SIGLEC9: variants seen among roughly 807,000 people sequenced by gnomAD.
SIGLEC9 encodes sialic acid-binding Ig-like lectin 9.
A neutral mutation model predicts 38.3 loss-of-function variants in SIGLEC9; 26 were observed. That is an observed-to-expected ratio of 0.68 (90% CI 0.50 to 0.94). SIGLEC9 has a LOEUF of 0.94. SIGLEC9 is among the 40% of genes least tolerant of loss of function. The pLI, the probability that SIGLEC9 is intolerant of heterozygous loss-of-function variation, is 0.00. For synonymous variants in SIGLEC9, 236 were observed against 248.0 expected (o/e 0.95, Z 0.45); for missense variants, 556 against 585.7 (o/e 0.95, Z 0.52).
At position 51,125,187 on chromosome 19, in the gene SIGLEC9, T is replaced by G. The variant is rs140037377; in HGVS notation, c.213T>G (p.Asp71Glu). Residue 71 changes from aspartate (D) to glutamate (E), a missense_variant, in exon 1 of 7, where the codon GAT (aspartate) becomes GAG (glutamate). Transcript: ENST00000250360. ...GGGAAGGGGCCAATACAGACCAGGA[T>G]GCTCCAGTGGCCACAAACAACCCAG... Reference protein sequence around the residue: ...WFREGANTDQDAPVATNNPAR... With the variant: ...WFREGANTDQEAPVATNNPAR... 42 of 1,613,858 alleles carry G rather than the reference T, an allele frequency of 2.6e-5. No homozygotes were observed.
At chr19:51,133,774 A>G (rs2092029196), downstream of SIGLEC9, among the ~76,000 whole-genome samples, 1 of 152,188 alleles carries the variant, frequency 6.6e-6, no homozygotes, top group South Asian at 2.1e-4. Context: ...CACTAGCCAC[A>G]TGTGGCTACT....
downstream of SIGLEC9, among the ~76,000 whole-genome samples, chr19:51,131,205 A>G (rs974888242): frequency 6.6e-6 from 1 of 152,194 alleles, no homozygotes; most frequent in Non-Finnish European, 1.5e-5. Context: ...AAATCAAAGG[A>G]CTGGAGGAAG....
intron 3 of SIGLEC9, among the ~76,000 whole-genome samples, chr19:51,126,734 G>A: frequency 6.6e-6 from 1 of 152,194 alleles, no homozygotes; most frequent in Non-Finnish European, 1.5e-5. Context: ...TCATCCTACG[G>A]CAGGATAGAA....
At chr19:51,124,806 G>A (rs576561575), upstream of SIGLEC9, 10 of 820,458 alleles carry the variant, frequency 1.2e-5, no homozygotes, top group Admixed American at 1.2e-4. Flanking sequence ...GGGCTGACCC[G>A]GGCCTGACAG....
chr19:51,129,211 T>G (rs898569016), intron 6 of SIGLEC9, among the ~76,000 whole-genome samples: 4 of 149,870 alleles, frequency 2.7e-5, no homozygotes, highest in Non-Finnish European at 4.4e-5. Flanking sequence ...CAGGCTGGAG[T>G]GCAGTGGTGC....
chr19:51,121,096 C>T (rs930198186), upstream of SIGLEC9, among the ~76,000 whole-genome samples: 1 of 152,138 alleles, frequency 6.6e-6, no homozygotes, highest in Non-Finnish European at 1.5e-5. Context: ...CCTCCTGCCT[C>T]GGCCTCCCAA....
chr19:51,126,134 A>G lies in SIGLEC9; in HGVS notation c.748+6A>G, dbSNP rs1476493985. On this transcript the variant is annotated splice_donor_region_variant and intron_variant, in intron 3 of 6. Transcript: ENST00000250360. ...CTTCCAAGGAGACGGCACAGGTAGG[A>G]TGGAGCTCCCTCCCTGGGGCTGGAG... The G allele has an allele frequency of 6.2e-7, 1 of 1,613,398 alleles. No individual in the cohort carries two copies. Among genetic ancestry groups the G allele is most frequent in the Admixed American group, 1.7e-5 (1 of 60,006 alleles).
At chr19:51,123,511 G>T (rs1036992039), upstream of SIGLEC9, among the ~76,000 whole-genome samples, 1 of 152,212 alleles carries the variant, frequency 6.6e-6, no homozygotes, top group Non-Finnish European at 1.5e-5. Context: ...CAACTTCCCA[G>T]GGAGCGACTG....
intron 3 of SIGLEC9, 39 bp downstream of exon 3, chr19:51,126,167 G>A: frequency 6.3e-7 from 1 of 1,587,604 alleles, no homozygotes; most frequent in Non-Finnish European, 8.7e-7. Flanking sequence ...GAGGAGCAGG[G>A]CCTTCAGGTC....
chr19:51,125,211 AG>A lies in SIGLEC9; in HGVS notation c.238del (p.Ala80LeufsTer25), dbSNP rs1568610407. The A allele has an allele frequency of 6.2e-7, 1 of 1,614,072 alleles. No homozygotes were observed. Among genetic ancestry groups the A allele is most frequent in the Admixed American group, 1.7e-5 (1 of 60,012 alleles). ...ATGCTCCAGTGGCCACAAACAACCCAGCTCGGGCAGTGTGGGAGGAGACTCG... is the reference window on the plus strand; with the variant it reads ...ATGCTCCAGTGGCCACAAACAACCCACTCGGGCAGTGTGGGAGGAGACTCG... ...QDAPVATNNP[A>X]RAVWEETRDR... is the part of the protein sequence containing the mutation. On this transcript the variant is annotated frameshift_variant, in exon 1 of 7. Transcript: ENST00000250360. LOFTEE classifies it high-confidence loss of function.
At position 51,128,025 on chromosome 19, in the gene SIGLEC9, C is replaced by T. The variant is rs764048873; in HGVS notation, c.1092C>T (p.Cys364=). The T allele has an allele frequency of 1.4e-5, 23 of 1,613,136 alleles. No homozygotes were observed. In the South Asian group the frequency reaches 1.5e-4, roughly 11 times the overall value. ...GATALVFLSF[C]VIFVVVRSCR... ...CAGCCCTGGTCTTCCTGTCCTTCTG[C>T]GTCATCTTCGTTGTGTAAGCATGGA... Residue 364 remains cysteine, a synonymous_variant, in exon 5 of 7, where the codon TGC becomes TGT. Coordinates refer to ENST00000250360, the MANE Select transcript of SIGLEC9 (RefSeq NM_014441.3).
At chr19:51,130,907 A>T (rs184272631), downstream of SIGLEC9, among the ~76,000 whole-genome samples, 11 of 152,034 alleles carry the variant, frequency 7.2e-5, no homozygotes, top group Admixed American at 6.6e-4. Context: ...CACACTGGGG[A>T]CCCTCCTCCT....
At chr19:51,123,168 C>G (rs56985052), upstream of SIGLEC9, among the ~76,000 whole-genome samples, 996 of 152,254 alleles carry the variant, frequency 6.5e-3, 24 homozygotes, top group African/African-American at 0.023. Context: ...GCACTGGCTT[C>G]CCCCCAACCC....
chr19:51,123,671 G>A (rs1244899149), upstream of SIGLEC9, among the ~76,000 whole-genome samples: 22 of 152,190 alleles, frequency 1.4e-4, no homozygotes, highest in Admixed American at 1.4e-3. Context: ...GTAACAAAGA[G>A]GAGGTGTTGC....
At chr19:51,121,641 C>CG (rs1326108342), upstream of SIGLEC9, among the ~76,000 whole-genome samples, 1 of 141,474 alleles carries the variant, frequency 7.1e-6, no homozygotes, top group African/African-American at 2.7e-5. Flanking sequence ...GGCTGGAGTG[C>CG]GGTGGCAGGA....
chr19:51,125,007 G>A lies in SIGLEC9; in HGVS notation c.33G>A (p.Gly11=). MLLLLLPLLW[G]RERAEGQTSK... ...TGCTGCTGCTGCCCCTGCTCTGGGG[G>A]AGGGAGAGGGCGGAAGGACAGACAA... The change falls in exon 1 of 7, where the codon GGG becomes GGA. Residue 11 remains glycine (G), a synonymous_variant. Transcript: ENST00000250360. The A allele has an allele frequency of 6.2e-7, 1 of 1,611,378 alleles. No individual in the cohort carries two copies. Among genetic ancestry groups the A allele is most frequent in the Non-Finnish European group, 8.5e-7 (1 of 1,178,246 alleles).
intron 6 of SIGLEC9, among the ~76,000 whole-genome samples, chr19:51,129,381 A>C (rs543446786): frequency 0.019 from 2,833 of 151,864 alleles, 34 homozygotes; most frequent in East Asian, 0.031. Context: ...GGATGGTCTC[A>C]GTCTCCTGAC....
At chr19:51,129,444 C>A (rs556184783) in intron 6 of SIGLEC9, among the ~76,000 whole-genome samples, 7 of 152,174 alleles carry the variant, frequency 4.6e-5, no homozygotes, top group African/African-American at 1.7e-4. Flanking sequence ...CAGGCGTGAG[C>A]CACTGTGACC....
downstream of SIGLEC9, among the ~76,000 whole-genome samples, chr19:51,134,369 G>C (rs144178553): frequency 5.5e-3 from 834 of 152,082 alleles, 6 homozygotes; most frequent in East Asian, 0.025. Context: ...ATGTTGGCCA[G>C]GATGGTCTTG....
Sources: allele counts gnomAD v4.1 joint callset (sites outside exome capture counted in the v4.1 genomes callset), GRCh38; gene constraint gnomAD v4.1.1; transcripts MANE v1.5; gene names NCBI Gene and HGNC (gene_info 2026-07-23, HGNC 2026-07-21).